Variants in AUTS2 observed in about 807,000 individuals in gnomAD.
The protein encoded by AUTS2 is autism susceptibility gene 2 protein.
A neutral mutation model predicts 112.4 loss-of-function variants in AUTS2; 17 were observed. That is an observed-to-expected ratio of 0.15 (90% CI 0.10 to 0.23). The LOEUF is 0.23. Ranked by LOEUF, AUTS2 falls within the 10% of genes least tolerant of loss-of-function variation. The pLI is 1.00. For missense variants in AUTS2, 1,510 were observed against 1,701.6 expected (o/e 0.89, Z 1.98); for synonymous variants, 751 against 702.7 (o/e 1.07, Z -1.09).
intron 1 of AUTS2, among the ~76,000 whole-genome samples, chr7:69,647,597 C>T (rs935399628): frequency 6.6e-6 from 1 of 152,154 alleles, no homozygotes; most frequent in Admixed American, 6.5e-5. Flanking sequence ...CTCAAACAAT[C>T]CTCCTGCCTC....
chr7:69,671,486 G>GTGTGTGTGTGTGTGT (rs748832261), intron 1 of AUTS2, among the ~76,000 whole-genome samples: 1 of 138,618 alleles, frequency 7.2e-6, no homozygotes, highest in Non-Finnish European at 1.6e-5. Flanking sequence ...TGCTGCTGCT[G>GTGTGTGTGTGTGTGT]GTGTGTGTGT....
chr7:70,211,346 TTTA>T (rs201218264), intron 4 of AUTS2, among the ~76,000 whole-genome samples: 239 of 146,320 alleles, frequency 1.6e-3, no homozygotes, highest in African/African-American at 4.7e-3. Context: ...TTTTTTTTTT[TTTA>T]AAAGAAAAAA....
chr7:70,661,849 G>A (rs537460580), intron 5 of AUTS2, among the ~76,000 whole-genome samples: 1 of 152,034 alleles, frequency 6.6e-6, no homozygotes, highest in Non-Finnish European at 1.5e-5. Flanking sequence ...TGAGGTACGG[G>A]AATGGCTTTT....
At chr7:70,094,673 G>T (rs749723809) in intron 2 of AUTS2, among the ~76,000 whole-genome samples, 1 of 152,148 alleles carries the variant, frequency 6.6e-6, no homozygotes, top group Non-Finnish European at 1.5e-5. Context: ...TGGCTCATTG[G>T]TAGGGTTGCA....
chr7:70,760,193 GGC>G lies in AUTS2; in HGVS notation c.743-2676_743-2675del, dbSNP rs1368110312. Among the ~76,000 whole-genome samples the G allele has an allele frequency of 2.1e-4, 32 of 152,262 alleles. No homozygotes were observed. The East Asian group carries it at 4.6e-3, about 22-fold the overall frequency. Reference sequence around the variant, plus strand: ...GCTAATTTTTTGTGTTTTTAGTAGAGGCAGGGTTTCACCGTGTTAGCCAGGAT... The same window carrying G: ...GCTAATTTTTTGTGTTTTTAGTAGAGAGGGTTTCACCGTGTTAGCCAGGAT... On this transcript the variant is annotated intron_variant, in intron 6 of 18. Transcript: ENST00000342771.
At chr7:69,973,401 G>A (rs970477380) in intron 2 of AUTS2, among the ~76,000 whole-genome samples, 2 of 152,160 alleles carry the variant, frequency 1.3e-5, no homozygotes, top group Admixed American at 6.5e-5. Flanking sequence ...CTTCCTATCT[G>A]ATATCTATGC....
chr7:70,055,039 C>A (rs1171342110), intron 2 of AUTS2, among the ~76,000 whole-genome samples: 1 of 152,124 alleles, frequency 6.6e-6, no homozygotes, highest in Non-Finnish European at 1.5e-5. Flanking sequence ...CTACTTCTTT[C>A]CTTCTACTTT....
rs775955641 is a variant in AUTS2, at chr7:70,790,082, A to G, written c.2866A>G (p.Ser956Gly). 6.3e-7 allele frequency: 1 copy of G among 1,577,204 alleles called. No individual in the cohort carries two copies. Among genetic ancestry groups the G allele is most frequent in the South Asian group, 1.2e-5 (1 of 86,742 alleles). The change falls in exon 19 of 19, where the codon AGC becomes GGC. Residue 956 changes from serine to glycine, a missense_variant. By Grantham distance (56) the Ser-to-Gly change is moderately conservative. This residue lies in a region of AUTS2 where 788 missense variants were observed against 797.6 expected (regional missense o/e 0.99). Coordinates refer to ENST00000342771, the MANE Select transcript of AUTS2 (RefSeq NM_015570.4). This position sits in a 1 kb window ranked among gnomAD's most constrained non-coding sequence, Gnocchi z 7.6. ...TPVVESARPN[S>G]TSSREAEPRK... Reference sequence around the variant, plus strand: ...GGTGGTGGAGAGTGCCAGGCCCAACAGCACCTCGAGCCGGGAGGCCGAGCC... The same window carrying G: ...GGTGGTGGAGAGTGCCAGGCCCAACGGCACCTCGAGCCGGGAGGCCGAGCC...
intron 2 of AUTS2, among the ~76,000 whole-genome samples, chr7:70,105,773 T>C (rs10235860): frequency 0.37 from 55,522 of 151,964 alleles, 10,655 homozygotes; most frequent in African/African-American, 0.48. Flanking sequence ...GCTAATGTCA[T>C]CTTGGCTCTA....
chr7:69,957,593 G>C (rs1797267716), intron 2 of AUTS2, among the ~76,000 whole-genome samples: 1 of 137,894 alleles, frequency 7.3e-6, no homozygotes, highest in Non-Finnish European at 1.7e-5. Context: ...GAATATGTTA[G>C]AATTTTTTTG....
At chr7:70,008,180 ATG>A (rs1799633197) in intron 2 of AUTS2, among the ~76,000 whole-genome samples, 1 of 152,128 alleles carries the variant, frequency 6.6e-6, no homozygotes, top group Admixed American at 6.5e-5. Flanking sequence ...AATTGTATGA[ATG>A]TTTTAAATAT....
chr7:69,990,229 A>C (rs1374147032), intron 2 of AUTS2, among the ~76,000 whole-genome samples: 1 of 152,218 alleles, frequency 6.6e-6, no homozygotes, highest in Non-Finnish European at 1.5e-5. Context: ...GTAATTGGTA[A>C]AAAGGAGTTT....
intron 2 of AUTS2, among the ~76,000 whole-genome samples, chr7:69,942,532 A>G (rs1796665352): frequency 6.6e-6 from 1 of 152,084 alleles, no homozygotes; most frequent in African/African-American, 2.4e-5. Flanking sequence ...ATCTATGGTG[A>G]CTTTTTTTTC....
chr7:70,590,907 T>C (rs769252304), intron 5 of AUTS2, among the ~76,000 whole-genome samples: 7 of 152,228 alleles, frequency 4.6e-5, no homozygotes, highest in African/African-American at 7.2e-5. Flanking sequence ...TTTCATTGTA[T>C]TGATATTTAT....
intron 4 of AUTS2, among the ~76,000 whole-genome samples, chr7:70,347,085 G>A (rs141208935): frequency 1.3e-4 from 20 of 152,252 alleles, no homozygotes; most frequent in Admixed American, 1.3e-3. Flanking sequence ...CAGAGTACTG[G>A]TAACTTCTCA....
chr7:70,590,335 A>G (rs1194020755), intron 5 of AUTS2, among the ~76,000 whole-genome samples: 1 of 152,138 alleles, frequency 6.6e-6, no homozygotes, highest in Non-Finnish European at 1.5e-5. Flanking sequence ...CGATTTGCCA[A>G]GTTCACGGGC....
At chr7:70,466,161 C>A (rs1163195775) in intron 5 of AUTS2, among the ~76,000 whole-genome samples, 1 of 152,026 alleles carries the variant, frequency 6.6e-6, no homozygotes, top group Admixed American at 6.6e-5. Flanking sequence ...AAAGGGACAC[C>A]CACCCAAACA....
chr7:70,585,330 G>A (rs536095833), intron 5 of AUTS2, among the ~76,000 whole-genome samples: 16 of 152,124 alleles, frequency 1.1e-4, no homozygotes, highest in Non-Finnish European at 2.2e-4. Flanking sequence ...GTGTTTTCTT[G>A]CGCTCAGAGC....
intron 1 of AUTS2, among the ~76,000 whole-genome samples, chr7:69,848,061 C>G (rs1487129175): frequency 1.3e-5 from 2 of 152,178 alleles, no homozygotes; most frequent in East Asian, 3.9e-4. Flanking sequence ...GTACTTTGTC[C>G]TGTAAGTCAT....
Sources: allele counts gnomAD v4.1 joint callset (sites outside exome capture counted in the v4.1 genomes callset), GRCh38; gene constraint gnomAD v4.1.1; regional missense constraint gnomAD v4.1.1; non-coding constraint Gnocchi (gnomAD v3.1); transcripts MANE v1.5; gene names NCBI Gene and HGNC (gene_info 2026-07-23, HGNC 2026-07-21).